CRTAP: variants seen among roughly 807,000 people sequenced by gnomAD.
CRTAP encodes the protein cartilage associated protein.
A neutral mutation model predicts 42.7 loss-of-function variants in CRTAP; 33 were observed. The observed-to-expected ratio is 0.77, with a 90% confidence interval of 0.59 to 1.03. The LOEUF (loss-of-function observed/expected upper bound fraction) is 1.03, where lower values mean the gene tolerates loss of function less well. CRTAP is among the 50% of genes least tolerant of loss of function. The probability of loss-of-function intolerance (pLI) is 0.00; values close to 1 mark genes in which losing one functional copy is unlikely to be tolerated. For missense variants in CRTAP, 613 were observed against 533.9 expected (o/e 1.15, Z -1.46); for synonymous variants, 243 against 217.7 (o/e 1.12, Z -1.02).
intron 5 of CRTAP, among the ~76,000 whole-genome samples, chr3:33,133,954 C>T (rs1410579573): frequency 4.6e-5 from 7 of 152,158 alleles, no homozygotes; most frequent in Non-Finnish European, 8.8e-5. Context: ...GAGGGCTGGC[C>T]ACTCTTTTTT....
intron 1 of CRTAP, among the ~76,000 whole-genome samples, chr3:33,117,165 G>A (rs1362968906): frequency 6.6e-6 from 1 of 152,186 alleles, no homozygotes; most frequent in Non-Finnish European, 1.5e-5. Context: ...GGAAAAGATG[G>A]GTGGCAGGCA....
chr3:33,129,803 C>T, intron 3 of CRTAP, 136 bp from the exon 4 acceptor site: 2 of 740,352 alleles, frequency 2.7e-6, no homozygotes, highest in Non-Finnish European at 4.6e-6. Flanking sequence ...TCCCGAAGTG[C>T]TGGGATTACA....
In CRTAP at chr3:33,114,404, C is replaced by T; in HGVS notation, c.327C>T (p.Phe109=). 3 of 1,540,532 alleles carry T rather than the reference C, an allele frequency of 1.9e-6. No homozygotes were observed. Among genetic ancestry groups the T allele is most frequent in the Non-Finnish European group, 2.6e-6 (3 of 1,148,314 alleles). ...GLASYPELRL[F]GGLLRRAHCL... The stretch of plus-strand genomic sequence containing the variant: ...CCAGCTATCCCGAGCTGCGCCTCTT[C>T]GGGGGCCTGCTGCGCCGCGCGCACT... The change falls in exon 1 of 7, where the codon TTC becomes TTT. Residue 109 remains phenylalanine (F), a synonymous_variant. Coordinates refer to ENST00000320954, the MANE Select transcript of CRTAP (RefSeq NM_006371.5).
intron 5 of CRTAP, 25 bp from the exon 6 acceptor site, chr3:33,134,157 A>G (rs2030352948): frequency 3.9e-6 from 6 of 1,557,682 alleles, no homozygotes; most frequent in African/African-American, 1.4e-5. Flanking sequence ...GGTCCTATAA[A>G]CTGTTCTCTG....
At chr3:33,116,068 A>G (rs1701339384) in intron 1 of CRTAP, among the ~76,000 whole-genome samples, 1 of 152,232 alleles carries the variant, frequency 6.6e-6, no homozygotes, top group Admixed American at 6.5e-5. Context: ...CTTTTGGCAA[A>G]TATGTTCTGA....
At chr3:33,133,466 T>G (rs72857474) in intron 5 of CRTAP, among the ~76,000 whole-genome samples, 2,412 of 152,010 alleles carry the variant, frequency 0.016, 77 homozygotes, top group African/African-American at 0.054. Context: ...GCTGGGCTAG[T>G]CTCGAACTCC....
chr3:33,129,007 A>C (rs1400160862), intron 3 of CRTAP, among the ~76,000 whole-genome samples: 1 of 152,222 alleles, frequency 6.6e-6, no homozygotes, highest in Non-Finnish European at 1.5e-5. Flanking sequence ...ACTCTCTTTC[A>C]AAGGCTGTGT....
chr3:33,130,145 C>G, intron 4 of CRTAP, 78 bp downstream of exon 4: 1 of 1,436,924 alleles, frequency 7.0e-7, no homozygotes, highest in Non-Finnish European at 9.8e-7. Flanking sequence ...TAACTCTTAG[C>G]TACGGTTGTT....
intron 1 of CRTAP, among the ~76,000 whole-genome samples, chr3:33,116,811 CAAT>C (rs1266522692): frequency 2.6e-5 from 4 of 152,068 alleles, no homozygotes; most frequent in East Asian, 3.9e-4. Flanking sequence ...TATTTTTTCT[CAAT>C]GATGTTTATG....
chr3:33,129,726 C>T (rs997517374), intron 3 of CRTAP, among the ~76,000 whole-genome samples: 1 of 151,884 alleles, frequency 6.6e-6, no homozygotes, highest in African/African-American at 2.4e-5. Flanking sequence ...TTTAGTGAGA[C>T]AGGGTTTCAC....
At position 33,145,593 on chromosome 3, in the gene CRTAP, A is replaced by G. The variant is rs74503694; in HGVS notation, c.*3145A>G. The G allele has an allele frequency of 0.021, 3,276 of 152,424 alleles. 115 individuals are homozygous for G. Among genetic ancestry groups the G allele is most frequent in the African/African-American group, 0.074 (3,061 of 41,532 alleles). The allele number at this position is 152,424 out of a possible 1,614,324, so 9.4% of individuals were successfully genotyped here. ...CAGCGAGTGGACGCCCTGCTCCGGG[A>G]TTCCTGAGTCTGTAAATAGTGTGCC... On this transcript the variant is annotated 3_prime_UTR_variant, in exon 7 of 7. Transcript: ENST00000320954. This position sits in a 1 kb window ranked among gnomAD's most constrained non-coding sequence, Gnocchi z 4.3.
chr3:33,138,963 C>T (rs561849313), intron 6 of CRTAP, among the ~76,000 whole-genome samples: 7 of 152,158 alleles, frequency 4.6e-5, no homozygotes, highest in East Asian at 1.9e-4. Flanking sequence ...GCCAATCGGT[C>T]GAAATCTTGC....
Position 33,143,439 on chromosome 3 carries a change from C to T in CRTAP, c.*991C>T, listed in dbSNP as rs886058355. On this transcript the variant is annotated 3_prime_UTR_variant, in exon 7 of 7. Transcript: ENST00000320954. Reference sequence around the variant, plus strand: ...AGGACAATGCTTAGTTATAAGTCTCCGAGTTGGAAAAGGAAGAAAGCCAGA... The same window carrying T: ...AGGACAATGCTTAGTTATAAGTCTCTGAGTTGGAAAAGGAAGAAAGCCAGA... 1.7e-4 allele frequency: 26 copies of T among 152,174 alleles called. No homozygotes were observed. Among genetic ancestry groups the T allele is most frequent in the African/African-American group, 5.1e-4 (21 of 41,442 alleles). 9.4% of individuals were successfully genotyped at this position (152,174 alleles called of 1,614,324 possible).
At position 33,114,522 on chromosome 3, in the gene CRTAP, A is replaced by C. The variant is rs1701320767; in HGVS notation, c.445A>C (p.Lys149Gln). 1.2e-6 allele frequency: 2 copies of C among 1,603,516 alleles called. No individual in the cohort carries two copies. Among genetic ancestry groups the C allele is most frequent in the South Asian group, 2.2e-5 (2 of 89,414 alleles). ...LADFQRREPY[K>Q]FLQFAYFKAN... ...GGACTTCCAGCGCCGCGAGCCCTACAAGTTCCTGCAGTTCGCTTACTTCAA... is the reference window on the plus strand; with the variant it reads ...GGACTTCCAGCGCCGCGAGCCCTACCAGTTCCTGCAGTTCGCTTACTTCAA... The change falls in exon 1 of 7, where the codon AAG (lysine) becomes CAG (glutamine). Residue 149 changes from lysine to glutamine, a missense_variant. Transcript: ENST00000320954.
chr3:33,123,660 C>T lies in CRTAP; in HGVS notation c.622-748C>T, dbSNP rs146119380. Reference sequence around the variant, plus strand: ...TTTTTTTTTTTTTTTGACAGAGTCTCGCTCTGTCACCCAGGCTGGAGTACA... The same window carrying T: ...TTTTTTTTTTTTTTTGACAGAGTCTTGCTCTGTCACCCAGGCTGGAGTACA... On this transcript the variant is annotated intron_variant, in intron 2 of 6. Coordinates refer to ENST00000320954, the MANE Select transcript of CRTAP (RefSeq NM_006371.5). 3.1e-3 allele frequency among the ~76,000 whole-genome samples: 397 copies of T among 127,474 alleles called. 5 individuals carry two copies. Among genetic ancestry groups the T allele is most frequent in the African/African-American group, 0.012 (385 of 32,394 alleles). 83.6% of individuals were successfully genotyped at this position (127,474 alleles called of 152,430 possible).
intron 3 of CRTAP, among the ~76,000 whole-genome samples, chr3:33,127,505 C>T (rs369466797): frequency 1.3e-4 from 19 of 149,422 alleles, no homozygotes; most frequent in East Asian, 9.9e-4. Flanking sequence ...TGGAGTGCAA[C>T]GGCGCGATCT....
chr3:33,137,096 G>A (rs1252763457), intron 6 of CRTAP, among the ~76,000 whole-genome samples: 2 of 151,966 alleles, frequency 1.3e-5, no homozygotes, highest in African/African-American at 2.4e-5. Flanking sequence ...CATGCTAGTG[G>A]ATGCAAGTAG....
At chr3:33,138,428 T>G (rs1433705668) in intron 6 of CRTAP, among the ~76,000 whole-genome samples, 3 of 152,192 alleles carry the variant, frequency 2.0e-5, no homozygotes, top group Non-Finnish European at 4.4e-5. Flanking sequence ...TCACAGTGTT[T>G]TCTTATTTTA....
intron 4 of CRTAP, among the ~76,000 whole-genome samples, chr3:33,130,919 C>T (rs769067517): frequency 2.0e-4 from 31 of 152,224 alleles, no homozygotes; most frequent in Middle Eastern, 3.4e-3. Context: ...GGGAAGCAAA[C>T]GTGGGAGAGA....
Sources: gnomAD v4.1 joint callset for allele counts (sites outside exome capture counted in the v4.1 genomes callset) on GRCh38, gnomAD v4.1.1 for gene constraint, Gnocchi (gnomAD v3.1) non-coding constraint, MANE v1.5 for transcripts, NCBI Gene and HGNC (gene_info 2026-07-23, HGNC 2026-07-21) for gene names.